Variants in HECW1 observed in about 807,000 individuals in gnomAD.
HECW1 encodes HECT, C2 and WW domain containing E3 ubiquitin protein ligase 1.
A neutral mutation model predicts 182.3 loss-of-function variants in HECW1; 61 were observed. That is an observed-to-expected ratio of 0.33 (90% CI 0.27 to 0.41). HECW1 has a LOEUF of 0.41. Ranked by LOEUF, HECW1 falls within the 10% of genes least tolerant of loss-of-function variation. The probability of loss-of-function intolerance (pLI) is 1.00; values close to 1 mark genes in which losing one functional copy is unlikely to be tolerated. For synonymous variants in HECW1, 859 were observed against 832.6 expected (o/e 1.03, Z -0.55); for missense variants, 1,739 against 2,108.9 (o/e 0.82, Z 3.44).
chr7:43,381,379 T>C (rs549111802), intron 6 of HECW1, among the ~76,000 whole-genome samples: 62 of 152,304 alleles, frequency 4.1e-4, no homozygotes, highest in African/African-American at 1.5e-3. Flanking sequence ...TGGAGGGCAA[T>C]GGCTTGATCA....
At chr7:43,390,133 G>C (rs1053918040) in intron 6 of HECW1, among the ~76,000 whole-genome samples, 3 of 151,868 alleles carry the variant, frequency 2.0e-5, no homozygotes, top group Non-Finnish European at 4.4e-5. Flanking sequence ...CTTTTTCCTC[G>C]TAGTGATTAG....
chr7:43,407,996 G>A (rs2075669717), intron 8 of HECW1, among the ~76,000 whole-genome samples: 1 of 152,144 alleles, frequency 6.6e-6, no homozygotes, highest in African/African-American at 2.4e-5. Flanking sequence ...GAGCAGGACG[G>A]CCTTTCCCTC....
intron 19 of HECW1, among the ~76,000 whole-genome samples, chr7:43,497,505 A>G (rs1162592255): frequency 2.6e-5 from 4 of 152,302 alleles, no homozygotes; most frequent in East Asian, 3.9e-4. Context: ...CATGACCACC[A>G]ATGAAATATG....
At chr7:43,555,607 A>G (rs1051769256) in intron 29 of HECW1, among the ~76,000 whole-genome samples, 1 of 152,204 alleles carries the variant, frequency 6.6e-6, no homozygotes, top group Admixed American at 6.5e-5. Flanking sequence ...CCACCCAAAT[A>G]CCTTTGCTAA....
intron 2 of HECW1, among the ~76,000 whole-genome samples, chr7:43,204,791 A>G (rs1001862315): frequency 6.6e-6 from 1 of 152,192 alleles, no homozygotes; most frequent in African/African-American, 2.4e-5. Context: ...TACCTGGAGG[A>G]GAAACAAAAG....
At position 43,491,538 on chromosome 7, in the gene HECW1, A is replaced by T. The variant is rs200132822; in HGVS notation, c.3235-537A>T. ...GGATTTATCTCTCTTTAACAAATTT[A>T]TGATGAGAAATGTTTCTTGGGCTAT... On this transcript the variant is annotated intron_variant, in intron 17 of 29. Transcript: ENST00000395891. Among the ~76,000 whole-genome samples, 6 of 152,232 alleles carry T rather than the reference A, an allele frequency of 3.9e-5. No homozygotes were observed. In the East Asian group the frequency reaches 1.2e-3, roughly 29 times the overall value.
chr7:43,256,726 G>C (rs1800624409), intron 3 of HECW1, among the ~76,000 whole-genome samples: 1 of 151,960 alleles, frequency 6.6e-6, no homozygotes, highest in Admixed American at 6.6e-5. Flanking sequence ...TGTGTGCCAA[G>C]GGAGTGATAA....
At chr7:43,473,457 A>G (rs189999919) in intron 16 of HECW1, among the ~76,000 whole-genome samples, 4 of 152,366 alleles carry the variant, frequency 2.6e-5, no homozygotes, top group Non-Finnish European at 5.9e-5. Context: ...AAAAAGGACT[A>G]GTGGTGAGTA....
intron 2 of HECW1, among the ~76,000 whole-genome samples, chr7:43,132,675 G>A (rs907248048): frequency 2.0e-5 from 3 of 152,132 alleles, no homozygotes; most frequent in East Asian, 3.9e-4. Context: ...TTTGCCCAGT[G>A]AGTGCCTTTT....
At position 43,205,478 on chromosome 7, in the gene HECW1, AGTGGG is replaced by A. The variant is rs555491021; in HGVS notation, c.-31-38392_-31-38388del. 6.1e-3 allele frequency among the ~76,000 whole-genome samples: 928 copies of A among 152,242 alleles called. 5 individuals carry two copies. The highest frequency in any genetic ancestry group is 9.7e-3 in the Non-Finnish European group (657 of 68,010). On this transcript the variant is annotated intron_variant, in intron 2 of 29. Transcript: ENST00000395891. ...AGTGTTTATTCAAGACTTTTCCTGTAGTGGGGTGGATGAAATCACTTGTGCTGCAA... is the reference window on the plus strand; with the variant it reads ...AGTGTTTATTCAAGACTTTTCCTGTAGTGGATGAAATCACTTGTGCTGCAA...
chr7:43,227,246 A>G (rs1797509256), intron 2 of HECW1, among the ~76,000 whole-genome samples: 1 of 152,196 alleles, frequency 6.6e-6, no homozygotes. Flanking sequence ...TATGTGAAGC[A>G]AAAGCTCCAG....
intron 9 of HECW1, among the ~76,000 whole-genome samples, chr7:43,441,280 G>A (rs2076878519): frequency 6.6e-6 from 1 of 152,124 alleles, no homozygotes; most frequent in South Asian, 2.1e-4. Flanking sequence ...GGAGACTTGG[G>A]GTCCCTACAT....
chr7:43,237,839 C>T (rs531686733), intron 2 of HECW1, among the ~76,000 whole-genome samples: 9 of 146,146 alleles, frequency 6.2e-5, no homozygotes, highest in Non-Finnish European at 1.2e-4. Context: ...CTTTCCCCCC[C>T]GCCGCCCCCA....
intron 2 of HECW1, among the ~76,000 whole-genome samples, chr7:43,184,174 T>C (rs531181239): frequency 4.5e-4 from 68 of 152,228 alleles, no homozygotes; most frequent in African/African-American, 1.6e-3. Context: ...CCACCATGCC[T>C]GGCTAATTTT....
At chr7:43,216,826 T>C (rs1796488788) in intron 2 of HECW1, among the ~76,000 whole-genome samples, 2 of 152,282 alleles carry the variant, frequency 1.3e-5, no homozygotes, top group South Asian at 4.2e-4. Context: ...GGCTAATTTT[T>C]GTATTTTTAG....
At chr7:43,287,025 A>G (rs1804726368) in intron 3 of HECW1, among the ~76,000 whole-genome samples, 1 of 151,234 alleles carries the variant, frequency 6.6e-6, no homozygotes, top group African/African-American at 2.4e-5. Context: ...GGTAGCGGGG[A>G]GTTGTTTAAG....
intron 17 of HECW1, among the ~76,000 whole-genome samples, chr7:43,491,197 T>C (rs1044699110): frequency 9.9e-5 from 15 of 152,214 alleles, no homozygotes; most frequent in Admixed American, 9.8e-4. Context: ...AGTAAACAAG[T>C]GCTTTGCAGT....
intron 4 of HECW1, among the ~76,000 whole-genome samples, chr7:43,312,949 C>T (rs1349442997): frequency 6.6e-6 from 1 of 152,382 alleles, no homozygotes; most frequent in East Asian, 1.9e-4. Context: ...CTTCTGCCTT[C>T]AGTCTGTGCT....
chr7:43,483,475 T>C (rs967330488), intron 17 of HECW1, among the ~76,000 whole-genome samples: 1 of 151,314 alleles, frequency 6.6e-6, no homozygotes, highest in African/African-American at 2.4e-5. Flanking sequence ...TAAACTGAAA[T>C]ACCAAGAGCT....
Sources: allele counts gnomAD v4.1 joint callset (sites outside exome capture counted in the v4.1 genomes callset), GRCh38; gene constraint gnomAD v4.1.1; transcripts MANE v1.5; gene names NCBI Gene and HGNC (gene_info 2026-07-23, HGNC 2026-07-21).